IRAG2: variants seen among roughly 807,000 people sequenced by gnomAD.
IRAG2 encodes the protein lymphoid restricted membrane protein.
IRAG2 carries 45 observed loss-of-function variants against 69.9 expected under a neutral mutation model. The ratio of observed to expected loss-of-function variants is 0.64; its 90% CI spans 0.51 to 0.83. IRAG2 has a LOEUF of 0.83. Ranked by LOEUF, IRAG2 falls within the 40% of genes least tolerant of loss-of-function variation. The probability of loss-of-function intolerance (pLI) is 0.00; values close to 1 mark genes in which losing one functional copy is unlikely to be tolerated. For synonymous variants in IRAG2, 193 were observed against 202.4 expected, an observed-to-expected ratio of 0.95 and a Z score of 0.40; for missense variants, 520 against 587.0, an observed-to-expected ratio of 0.89 and a Z score of 1.18.
At chr12:25,056,601 T>G (rs1283028795) in intron 1 of IRAG2, among the ~76,000 whole-genome samples, 1 of 152,196 alleles carries the variant, frequency 6.6e-6, no homozygotes. Flanking sequence ...AAATGCAAAA[T>G]AGTAGCTAAT....
upstream of IRAG2, among the ~76,000 whole-genome samples, chr12:25,050,695 C>T (rs892168354): frequency 6.6e-6 from 1 of 152,128 alleles, no homozygotes; most frequent in Non-Finnish European, 1.5e-5. Flanking sequence ...TTCACTGCGG[C>T]ATTATTCTCA....
chr12:25,065,072 G>A (rs1227583842), intron 4 of IRAG2, among the ~76,000 whole-genome samples: 3 of 147,670 alleles, frequency 2.0e-5, no homozygotes, highest in East Asian at 2.0e-4. Flanking sequence ...CCTGGGTGTC[G>A]CAGTGAGACT....
chr12:25,002,626 ATTCTTC>A (rs749319927), upstream of IRAG2, among the ~76,000 whole-genome samples: 1 of 135,342 alleles, frequency 7.4e-6, no homozygotes, highest in Non-Finnish European at 1.7e-5. Context: ...TTGAGAGATC[ATTCTTC>A]TTCTTCTTCT....
At chr12:25,015,150 G>GT (rs1436751678) in intron 3 of IRAG2, 132 of 933,498 alleles carry the variant, frequency 1.4e-4, no homozygotes, top group Middle Eastern at 9.0e-4. Context: ...TAGCTCACTG[G>GT]TTTTGTTTTT....
At chr12:25,061,753 T>A in intron 2 of IRAG2, 100 bp downstream of exon 2, 1 of 396,978 alleles carries the variant, frequency 2.5e-6, no homozygotes, top group Non-Finnish European at 4.4e-6. Context: ...CTTTAATCAT[T>A]AAATTAAATA....
chr12:25,030,395 T>C, intron 10 of IRAG2: 1 of 1,134,726 alleles, frequency 8.8e-7, no homozygotes, highest in Non-Finnish European at 1.1e-6. Context: ...CAAATCTGAT[T>C]CTTTTTTTTT....
upstream of IRAG2, among the ~76,000 whole-genome samples, chr12:25,001,630 C>T (rs1400175423): frequency 2.0e-5 from 3 of 152,082 alleles, no homozygotes; most frequent in Non-Finnish European, 4.4e-5. Flanking sequence ...CAGGAGGGGA[C>T]AGGATTTGGG....
intron 8 of IRAG2, chr12:25,024,071 T>C: frequency 2.5e-6 from 1 of 404,532 alleles, no homozygotes; most frequent in Non-Finnish European, 4.3e-6. Flanking sequence ...TGAGGAGGAA[T>C]GGATGGGATT....
At chr12:25,055,930 G>A (rs894210626) in intron 1 of IRAG2, among the ~76,000 whole-genome samples, 5 of 152,058 alleles carry the variant, frequency 3.3e-5, no homozygotes, top group Admixed American at 1.3e-4. Flanking sequence ...CCCATCTGAC[G>A]TGAAATCTTC....
At chr12:25,015,088 G>GAAAA in intron 3 of IRAG2, 10,021 of 50,592 alleles carry the variant, frequency 0.2, 2,257 homozygotes, top group Non-Finnish European at 0.26. Context: ...GCATAAATCT[G>GAAAA]AAAAAAAAAA....
intron 1 of IRAG2, among the ~76,000 whole-genome samples, chr12:25,054,726 TCTTTTG>T (rs1945124949): frequency 6.6e-6 from 1 of 152,240 alleles, no homozygotes; most frequent in Non-Finnish European, 1.5e-5. Flanking sequence ...GTTACTTGTA[TCTTTTG>T]CTGCCCAAAA....
At chr12:25,010,279 C>A (rs950092019) in intron 2 of IRAG2, among the ~76,000 whole-genome samples, 1 of 152,144 alleles carries the variant, frequency 6.6e-6, no homozygotes, top group South Asian at 2.1e-4. Context: ...AAGTTCAAGA[C>A]CAGCCTGGGC....
At position 25,026,895 on chromosome 12, in the gene IRAG2, A is replaced by T. The variant is rs1276915602; in HGVS notation, c.1461+29A>T. On this transcript the variant is annotated intron_variant, in intron 9 of 38. Transcript: ENST00000636465. ...AGCACTTCCCAAATACTGGTAAAAT[A>T]TTTTTTTTCTGTCAAACCAGTATTA... The T allele has an allele frequency of 1.1e-5, 12 of 1,106,548 alleles. No individual in the cohort carries two copies. The Admixed American group carries it at 2.6e-4, about 24-fold the overall frequency. The allele number at this position is 1,106,548 out of a possible 1,614,324, so 68.5% of individuals were successfully genotyped here.
Position 25,101,197 on chromosome 12 carries a change from C to A in IRAG2, c.761C>A (p.Ala254Glu). 6.2e-7 allele frequency: 1 copy of A among 1,606,724 alleles called. No homozygotes were observed. The stretch of plus-strand genomic sequence containing the variant: ...TGCTAGGAAAGCCGGGTTAGTAAAG[C>A]AGTTGAAGTGATGATTCAGCACGTA... ...AINQESRVSK[A>E]VEVMIQHVEN... The change falls in exon 16 of 22, where the codon GCA becomes GAA. Residue 254 changes from alanine (A) to glutamate (E), a missense_variant. By Grantham distance (107) the Ala-to-Glu change is moderately radical (BLOSUM62 -1). Transcript: ENST00000556887.
chr12:25,060,212 AAT>A (rs141317410), intron 1 of IRAG2, among the ~76,000 whole-genome samples: 9,859 of 152,254 alleles, frequency 0.065, 429 homozygotes, highest in Non-Finnish European at 0.094. Flanking sequence ...TTGCCACGTG[AAT>A]AAAGGGCATA....
At position 25,103,897 on chromosome 12, in the gene IRAG2, A is replaced by C. The variant is rs760445849; in HGVS notation, c.994A>C (p.Met332Leu). 1 of 1,612,712 alleles carries C rather than the reference A, an allele frequency of 6.2e-7. No homozygotes were observed. The highest frequency in any genetic ancestry group is 8.5e-7 in the Non-Finnish European group (1 of 1,178,842). Residue 332 changes from methionine to leucine, a missense_variant and splice_region_variant, in exon 18 of 22, where the codon ATG becomes CTG. Met to Leu is a conservative substitution (Grantham distance 15). Coordinates refer to ENST00000556887, the MANE Select transcript of IRAG2 (RefSeq NM_001366544.2). The part of the protein sequence containing the change: ...SLPRNIGNAG[M>L]VAGMENNDRF... ...ACCCAGAAATATTGGAAATGCAGGA[A>C]TGGTAAGACAATTCCTAAGTGTTCT...
chr12:25,061,294 G>C (rs1945620058), intron 1 of IRAG2, among the ~76,000 whole-genome samples: 1 of 152,202 alleles, frequency 6.6e-6, no homozygotes, highest in South Asian at 2.1e-4. Flanking sequence ...GGAGGCCGGG[G>C]TGGGTGGATC....
intron 9 of IRAG2, among the ~76,000 whole-genome samples, chr12:25,027,722 A>G (rs1591930143): frequency 6.6e-6 from 1 of 152,170 alleles, no homozygotes; most frequent in South Asian, 2.1e-4. Context: ...TGGCTGGATA[A>G]TATTCTATAT....
At chr12:25,038,704 T>C (rs1221405484) in intron 16 of IRAG2, among the ~76,000 whole-genome samples, 4 of 152,054 alleles carry the variant, frequency 2.6e-5, no homozygotes, top group African/African-American at 9.7e-5. Context: ...GAGAAGGAAT[T>C]TGGAATTACA....
Sources: allele counts gnomAD v4.1 joint callset (sites outside exome capture counted in the v4.1 genomes callset), GRCh38; gene constraint gnomAD v4.1.1; transcripts MANE v1.5; gene names NCBI Gene and HGNC (gene_info 2026-07-23, HGNC 2026-07-21).